HDAC9: variants seen among roughly 807,000 people sequenced by gnomAD.
HDAC9 encodes the protein MEF-2 interacting transcription repressor (MITR) protein.
Under a neutral mutation model 139.4 loss-of-function variants are expected in HDAC9, and 41 were observed. The observed-to-expected ratio is 0.29, with a 90% CI of 0.23 to 0.38. The LOEUF (loss-of-function observed/expected upper bound fraction) is 0.38, where lower values mean the gene tolerates loss of function less well. Ranked by LOEUF, HDAC9 falls within the 10% of genes least tolerant of loss-of-function variation. HDAC9 has a pLI of 1.00. For missense variants in HDAC9, 1,147 were observed against 1,297.0 expected, an observed-to-expected ratio of 0.88 and a Z score of 1.78; for synonymous variants, 517 against 476.2, an observed-to-expected ratio of 1.09 and a Z score of -1.12.
At chr7:18,385,047 C>T (rs1785790134) in intron 1 of HDAC9, among the ~76,000 whole-genome samples, 1 of 152,162 alleles carries the variant, frequency 6.6e-6, no homozygotes, top group South Asian at 2.1e-4. Flanking sequence ...TCCTTCTTTT[C>T]CTGGCCCACC....
At chr7:18,643,121 T>G (rs1421934422) in intron 8 of HDAC9, among the ~76,000 whole-genome samples, 1 of 152,146 alleles carries the variant, frequency 6.6e-6, no homozygotes. Context: ...TTTGTTCTTG[T>G]ACAGGTATTC....
chr7:18,744,405 C>T (rs557922185), intron 13 of HDAC9, among the ~76,000 whole-genome samples: 112 of 152,270 alleles, frequency 7.4e-4, no homozygotes, highest in African/African-American at 2.5e-3. Context: ...AATGCCATGT[C>T]ATATATATTT....
At chr7:18,379,641 A>G (rs995805865) in intron 1 of HDAC9, among the ~76,000 whole-genome samples, 1 of 152,194 alleles carries the variant, frequency 6.6e-6, no homozygotes, top group Non-Finnish European at 1.5e-5. Context: ...TAAGTATGCA[A>G]TCCTTTTCTG....
intron 13 of HDAC9, among the ~76,000 whole-genome samples, chr7:18,736,651 G>T (rs902549492): frequency 1.3e-5 from 2 of 152,166 alleles, no homozygotes; most frequent in African/African-American, 4.8e-5. Context: ...TTTTATTGAG[G>T]ATATTCACAT....
chr7:18,943,105 A>C (rs1782131762), intron 23 of HDAC9, among the ~76,000 whole-genome samples: 1 of 152,106 alleles, frequency 6.6e-6, no homozygotes, highest in Admixed American at 6.6e-5. Context: ...AGGGGCAAGT[A>C]AACAAGATTT....
At chr7:18,772,873 T>C (rs551254819) in intron 16 of HDAC9, among the ~76,000 whole-genome samples, 1 of 152,196 alleles carries the variant, frequency 6.6e-6, no homozygotes, top group Non-Finnish European at 1.5e-5. Flanking sequence ...TGAAATATTA[T>C]TAAAGTCAGG....
At chr7:18,344,845 C>G (rs1782279530) in intron 1 of HDAC9, among the ~76,000 whole-genome samples, 1 of 151,920 alleles carries the variant, frequency 6.6e-6, no homozygotes, top group African/African-American at 2.4e-5. Flanking sequence ...AAAACTTTCT[C>G]TTTTTAACAC....
At chr7:18,990,902 C>G (rs553837168) in intron 25 of HDAC9, among the ~76,000 whole-genome samples, 2 of 152,240 alleles carry the variant, frequency 1.3e-5, no homozygotes, top group South Asian at 2.1e-4. Context: ...CCTGCTTGGG[C>G]TCGCGCATGG....
rs1015613461 is a variant in HDAC9 at position 18,886,361 on chromosome 7, C to T, written c.2803+11765C>T. On this transcript the variant is annotated intron_variant, in intron 22 of 25. Coordinates refer to ENST00000686413, the MANE Select transcript of HDAC9 (RefSeq NM_178425.4). ...ACTGTACCATAACAGGCCATTTCAA[C>T]ATTGCTTATGAAAAGAAAATATGTA... Among the ~76,000 whole-genome samples, 5 of 152,328 alleles carry T rather than the reference C, an allele frequency of 3.3e-5. No homozygotes were observed. In the East Asian group the frequency reaches 9.7e-4, roughly 29 times the overall value.
chr7:18,829,433 T>C (rs368720855), intron 18 of HDAC9, 28 bp from the exon 19 acceptor site: 1 of 1,514,788 alleles, frequency 6.6e-7, no homozygotes, highest in South Asian at 1.1e-5. Context: ...TTTGCTTTCT[T>C]ATTTCTCTGT....
intron 12 of HDAC9, among the ~76,000 whole-genome samples, chr7:18,710,881 T>C (rs1784295950): frequency 6.6e-6 from 1 of 152,222 alleles, no homozygotes; most frequent in African/African-American, 2.4e-5. Flanking sequence ...TATATATACA[T>C]GTGTATATTT....
chr7:18,457,283 C>T (rs1441520951), intron 1 of HDAC9, among the ~76,000 whole-genome samples: 2 of 152,194 alleles, frequency 1.3e-5, no homozygotes, highest in South Asian at 2.1e-4. Context: ...CAGTGACAAT[C>T]CCATCAACTT....
chr7:18,504,855 G>C (rs535951879), intron 2 of HDAC9, among the ~76,000 whole-genome samples: 1 of 152,164 alleles, frequency 6.6e-6, no homozygotes, highest in Non-Finnish European at 1.5e-5. Flanking sequence ...TGGCAGGGTC[G>C]TGTTTAAATG....
At chr7:18,763,583 G>A (rs1397681033) in intron 15 of HDAC9, among the ~76,000 whole-genome samples, 3 of 152,016 alleles carry the variant, frequency 2.0e-5, no homozygotes, top group Admixed American at 6.5e-5. Flanking sequence ...ACCAGTCTCT[G>A]TACATGCAGA....
At chr7:18,143,757 C>T (rs1039618008) in intron 1 of HDAC9, among the ~76,000 whole-genome samples, 1 of 150,176 alleles carries the variant, frequency 6.7e-6, no homozygotes, top group Non-Finnish European at 1.5e-5. Context: ...CGCACCATTA[C>T]ACTCTAGCCT....
intron 6 of HDAC9, among the ~76,000 whole-genome samples, chr7:18,613,585 A>G (rs1355254579): frequency 6.6e-6 from 1 of 152,084 alleles, no homozygotes; most frequent in Admixed American, 6.6e-5. Flanking sequence ...ATTTACTACT[A>G]TGTGTTGTGG....
chr7:18,276,670 T>C (rs1349775972), intron 2 of HDAC9, among the ~76,000 whole-genome samples: 2 of 152,218 alleles, frequency 1.3e-5, no homozygotes, highest in Admixed American at 1.3e-4. Context: ...GACTTTTTTT[T>C]ACTTCCATAG....
Position 18,954,172 on chromosome 7 carries a change from C to A in HDAC9, c.2964C>A (p.Leu988=). Residue 988 remains leucine, a synonymous_variant, in exon 24 of 26, where the codon CTC becomes CTA. Transcript: ENST00000686413. The part of the protein sequence containing the change: ...NELEPLAEDI[L]HQSPNMNAVI... The stretch of plus-strand genomic sequence containing the variant: ...TGGAGCCACTTGCAGAAGATATTCT[C>A]CACCAAAGCCCGAATATGAATGCTG... The A allele has an allele frequency of 6.4e-7, 1 of 1,573,014 alleles. No individual in the cohort carries two copies. The highest frequency in any genetic ancestry group is 8.7e-7 in the Non-Finnish European group (1 of 1,153,548).
At chr7:18,220,763 G>A (rs1399861650) in intron 2 of HDAC9, among the ~76,000 whole-genome samples, 1 of 152,164 alleles carries the variant, frequency 6.6e-6, no homozygotes, top group Non-Finnish European at 1.5e-5. Flanking sequence ...AGACTTTAAT[G>A]TAGCAGTGAT....
Sources: allele counts gnomAD v4.1 joint callset (sites outside exome capture counted in the v4.1 genomes callset), GRCh38; gene constraint gnomAD v4.1.1; transcripts MANE v1.5; gene names NCBI Gene and HGNC (gene_info 2026-07-23, HGNC 2026-07-21).